SYNE2: variants seen among roughly 807,000 people sequenced by gnomAD.
SYNE2 encodes the protein nesprin-2.
Under a neutral mutation model 856.3 loss-of-function variants are expected in SYNE2, and 431 were observed. The ratio of observed to expected loss-of-function variants is 0.50; its 90% CI spans 0.47 to 0.55. The LOEUF is 0.55. Ranked by LOEUF, SYNE2 falls within the 20% of genes least tolerant of loss-of-function variation. The pLI, the probability that SYNE2 is intolerant of heterozygous loss-of-function variation, is 0.00. For missense variants in SYNE2, 8,129 were observed against 8,023.2 expected (o/e 1.01, Z -0.50); for synonymous variants, 2,923 against 2,872.3 (o/e 1.02, Z -0.56).
chr14:63,973,631 C>CAAAA (rs60498158), intron 11 of SYNE2, among the ~76,000 whole-genome samples: 8 of 67,760 alleles, frequency 1.2e-4, no homozygotes, highest in South Asian at 5.8e-4. Context: ...GAGTCCATCT[C>CAAAA]AAAAAAAAAA....
chr14:63,798,522 T>C lies in SYNE2; in HGVS notation c.-305+36536T>C, dbSNP rs113049041. 9.2e-4 allele frequency among the ~76,000 whole-genome samples: 139 copies of C among 151,574 alleles called. 1 individual carries two copies. The highest frequency in any genetic ancestry group is 3.2e-3 in the African/African-American group (131 of 41,294). On this transcript the variant is annotated intron_variant, in intron 1 of 23. Coordinates refer to the SYNE2 transcript ENST00000674003. ...AACCCTCCTGCCTCAGCCTCTCGAG[T>C]AGCTAGTACTACAGGCATGTACCAC...
At chr14:64,145,446 T>G (rs1466760835) in intron 83 of SYNE2, among the ~76,000 whole-genome samples, 2 of 147,806 alleles carry the variant, frequency 1.4e-5, no homozygotes, top group Non-Finnish European at 3.0e-5. Context: ...AGGTGGAGGT[T>G]GCAGTGAGCC....
rs1594681467 is a variant in SYNE2, at chr14:63,986,583, A to G, written c.2279A>G (p.Asp760Gly). Residue 760 changes from aspartate (D) to glycine (G), a missense_variant, in exon 19 of 116, where the codon GAT becomes GGT. By Grantham distance (94) the Asp-to-Gly change is moderately conservative. Transcript: ENST00000555002. ...EAEAKSVLDQ[D>G]DVDTSMEESL... ...GAAGCCAAATCTGTTTTGGATCAAG[A>G]TGATGTGGACACCTCAATGGAAGAA... 6.2e-7 allele frequency: 1 copy of G among 1,614,166 alleles called. No homozygotes were observed. Among genetic ancestry groups the G allele is most frequent in the Non-Finnish European group, 8.5e-7 (1 of 1,180,020 alleles).
intron 45 of SYNE2, among the ~76,000 whole-genome samples, chr14:64,043,341 G>A (rs893374339): frequency 9.9e-5 from 15 of 152,138 alleles, no homozygotes; most frequent in African/African-American, 3.6e-4. Context: ...CGATAGAAAA[G>A]AAAAACCCAT....
rs768551349 is a variant in SYNE2 at position 63,986,504 on chromosome 14, A to G, written c.2200A>G (p.Lys734Glu). The change falls in exon 19 of 116, where the codon AAA becomes GAA. Residue 734 changes from lysine to glutamate, a missense_variant. Around this residue, in one of 3 missense-constraint regions of SYNE2, gnomAD observed 2,422 missense variants for 2,357.4 expected, o/e 1.03. Transcript: ENST00000555002. ...AAATGAAGAATTCACAGGGCAACTA[A>G]AAGTGGCTAAAGATGTTGAAAAACT... ...KENEEFTGQL[K>E]VAKDVEKLIG... 1 of 1,614,200 alleles carries G rather than the reference A, an allele frequency of 6.2e-7. No individual in the cohort carries two copies. The highest frequency in any genetic ancestry group is 8.5e-7 in the Non-Finnish European group (1 of 1,180,026).
At chr14:63,886,778 G>C (rs948464409) in intron 1 of SYNE2, among the ~76,000 whole-genome samples, 3 of 152,056 alleles carry the variant, frequency 2.0e-5, no homozygotes, top group Non-Finnish European at 2.9e-5. Context: ...TCCTGCCTCA[G>C]CCTCCCGAGT....
chr14:64,208,810 A>C lies in SYNE2; in HGVS notation c.18254A>C (p.Asn6085Thr). 6.2e-7 allele frequency: 1 copy of C among 1,614,192 alleles called. No homozygotes were observed. Among genetic ancestry groups the C allele is most frequent in the South Asian group, 1.1e-5 (1 of 91,082 alleles). The change falls in exon 101 of 116, where the codon AAC becomes ACC. Residue 6085 changes from asparagine (N) to threonine (T), a missense_variant. Around this residue, in one of 3 missense-constraint regions of SYNE2, gnomAD observed 5,410 missense variants for 5,284.8 expected, o/e 1.02. Coordinates refer to ENST00000555002, the MANE Select transcript of SYNE2 (RefSeq NM_182914.3). Reference sequence around the variant, plus strand: ...AGCGCAGGGGTGGAGTCCGTGTTTAACATCTGTGACGTCCTACTGCACGAC... The same window carrying C: ...AGCGCAGGGGTGGAGTCCGTGTTTACCATCTGTGACGTCCTACTGCACGAC... ...QHSAGVESVF[N>T]ICDVLLHDSD...
intron 1 of SYNE2, among the ~76,000 whole-genome samples, chr14:63,857,201 CG>C (rs1474511576): frequency 3.3e-5 from 5 of 152,118 alleles, no homozygotes; most frequent in African/African-American, 9.7e-5. Context: ...GATTAGTTTG[CG>C]TTTTTTAGAA....
intron 1 of SYNE2, among the ~76,000 whole-genome samples, chr14:63,885,708 C>T (rs2094967767): frequency 6.6e-6 from 1 of 152,166 alleles, no homozygotes; most frequent in African/African-American, 2.4e-5. Flanking sequence ...CTCAAGCAAT[C>T]CTGCCTCAGC....
At position 64,035,323 on chromosome 14, in the gene SYNE2, T is replaced by C. The variant is rs146213888; in HGVS notation, c.7221+3966T>C. 1.4e-3 allele frequency among the ~76,000 whole-genome samples: 207 copies of C among 152,136 alleles called. 1 individual carries two copies. Among genetic ancestry groups the C allele is most frequent in the African/African-American group, 4.5e-3 (186 of 41,518 alleles). ...TCAATCCTGGGGTAAATTATGTCTA[T>C]TTCTGGTGTTGTTTATCCTGTTAAC... On this transcript the variant is annotated intron_variant, in intron 45 of 115. Coordinates refer to ENST00000555002, the MANE Select transcript of SYNE2 (RefSeq NM_182914.3).
intron 103 of SYNE2, among the ~76,000 whole-genome samples, chr14:64,211,566 C>G (rs1418906766): frequency 1.3e-5 from 2 of 152,238 alleles, no homozygotes; most frequent in African/African-American, 2.4e-5. Flanking sequence ...CTGCAGAAGG[C>G]CAATGTGTAA....
At chr14:63,820,419 G>A (rs887731740) in intron 1 of SYNE2, among the ~76,000 whole-genome samples, 5 of 152,076 alleles carry the variant, frequency 3.3e-5, no homozygotes, top group Non-Finnish European at 7.4e-5. Flanking sequence ...ATGGATCAGA[G>A]ACATAAATTT....
In SYNE2 at chr14:64,203,813, C is replaced by A. The variant is rs1047749219; in HGVS notation, c.18201+850C>A. Among the ~76,000 whole-genome samples, 26 of 152,296 alleles carry A rather than the reference C, an allele frequency of 1.7e-4. 1 individual carries two copies. The highest frequency in any genetic ancestry group is 6.0e-4 in the African/African-American group (25 of 41,558). On this transcript the variant is annotated intron_variant, in intron 100 of 115. Transcript: ENST00000555002. Reference sequence around the variant, plus strand: ...TTCATGTTAAGCCTCCACCACACACCACATACCACAGGTGCTTGGAGACCG... The same window carrying A: ...TTCATGTTAAGCCTCCACCACACACAACATACCACAGGTGCTTGGAGACCG...
At chr14:63,966,360 C>CA (rs71123824) in intron 10 of SYNE2, among the ~76,000 whole-genome samples, 13,933 of 138,632 alleles carry the variant, frequency 0.1, 691 homozygotes, top group South Asian at 0.19. Flanking sequence ...ACAAAAAATA[C>CA]AAAAAAAAAA....
intron 1 of SYNE2, among the ~76,000 whole-genome samples, chr14:63,820,726 G>T (rs752350523): frequency 6.6e-6 from 1 of 151,240 alleles, no homozygotes; most frequent in Non-Finnish European, 1.5e-5. Context: ...GCTAGGTGGG[G>T]AATTGCAAAG....
At chr14:63,997,679 A>C (rs1003329306) in intron 25 of SYNE2, among the ~76,000 whole-genome samples, 3 of 152,188 alleles carry the variant, frequency 2.0e-5, no homozygotes, top group Non-Finnish European at 4.4e-5. Context: ...ATTGTTATTG[A>C]GGGTAGAAGA....
chr14:63,832,953 G>GAT (rs1889724279), intron 1 of SYNE2, among the ~76,000 whole-genome samples: 2 of 151,438 alleles, frequency 1.3e-5, no homozygotes, highest in Non-Finnish European at 2.9e-5. Context: ...GGAGGTCAAG[G>GAT]CTGCAGTGAG....
chr14:63,814,579 TC>T (rs1202817072), intron 1 of SYNE2, among the ~76,000 whole-genome samples: 7 of 138,644 alleles, frequency 5.0e-5, no homozygotes, highest in African/African-American at 1.6e-4. Context: ...CTTATATGTA[TC>T]CATATATATA....
chr14:64,027,978 C>T (rs1248528830), intron 43 of SYNE2, among the ~76,000 whole-genome samples, 185 bp downstream of exon 43: 1 of 152,136 alleles, frequency 6.6e-6, no homozygotes, highest in Non-Finnish European at 1.5e-5. Context: ...ATGATCTCAG[C>T]TCACTGCAGT....
Sources: gnomAD v4.1 joint callset for allele counts (sites outside exome capture counted in the v4.1 genomes callset) on GRCh38, gnomAD v4.1.1 for gene constraint, gnomAD v4.1.1 regional missense constraint, MANE v1.5 for transcripts, NCBI Gene and HGNC (gene_info 2026-07-23, HGNC 2026-07-21) for gene names.